Variants in CFAP20DC observed in about 807,000 individuals in gnomAD.
CFAP20DC encodes the protein CFAP20 domain containing, also known as protein CFAP20DC.
CFAP20DC carries 84 observed loss-of-function variants against 101.7 expected under a neutral mutation model. The ratio of observed to expected loss-of-function variants is 0.83; its 90% CI spans 0.69 to 0.99. CFAP20DC has a LOEUF of 0.99. Among genes scored for constraint, CFAP20DC ranks in the 50% least tolerant of loss-of-function variants. The pLI, the probability that CFAP20DC is intolerant of heterozygous loss-of-function variation, is 0.00. For synonymous variants in CFAP20DC, 359 were observed against 351.2 expected, an observed-to-expected ratio of 1.02 and a Z score of -0.25; for missense variants, 1,007 against 970.3, an observed-to-expected ratio of 1.04 and a Z score of -0.50.
At chr3:58,955,531 G>A (rs1233398890) in intron 4 of CFAP20DC, among the ~76,000 whole-genome samples, 2 of 152,098 alleles carry the variant, frequency 1.3e-5, no homozygotes, top group East Asian at 1.9e-4. Context: ...GCCCTAGCCA[G>A]AGGCAAATCA....
Position 59,049,639 on chromosome 3 carries a change from G to C in CFAP20DC, c.-8C>G. 6.5e-7 allele frequency: 1 copy of C among 1,536,094 alleles called. No homozygotes were observed. The highest frequency in any genetic ancestry group is 8.7e-7 in the Non-Finnish European group (1 of 1,146,882). On this transcript the variant is annotated 5_prime_UTR_variant, in exon 1 of 17. Transcript: ENST00000482387. ...GTACTCATTTTTGAACATTCCCGCA[G>C]GGGGCCCAGGGCTTGGGGGGCACAG...
intron 11 of CFAP20DC, among the ~76,000 whole-genome samples, chr3:58,865,370 TACATA>T (rs1559731097): frequency 6.6e-6 from 1 of 152,226 alleles, no homozygotes; most frequent in Non-Finnish European, 1.5e-5. Context: ...CGGCTACCAT[TACATA>T]ACATAACTTA....
intron 10 of CFAP20DC, among the ~76,000 whole-genome samples, chr3:58,867,541 T>G (rs901167038): frequency 1.3e-5 from 2 of 152,178 alleles, no homozygotes; most frequent in Non-Finnish European, 2.9e-5. Context: ...TGGGCCATTT[T>G]TTTCAAAAAC....
chr3:58,762,521 C>G (rs2069741675), intron 15 of CFAP20DC, among the ~76,000 whole-genome samples: 1 of 152,104 alleles, frequency 6.6e-6, no homozygotes, highest in Non-Finnish European at 1.5e-5. Flanking sequence ...TTAATTGGAG[C>G]ATTTAGCCCA....
chr3:58,809,975 C>T (rs2074467467), intron 14 of CFAP20DC, among the ~76,000 whole-genome samples: 1 of 152,124 alleles, frequency 6.6e-6, no homozygotes, highest in Non-Finnish European at 1.5e-5. Flanking sequence ...AATTCCTGGA[C>T]ACATACACCA....
intron 16 of CFAP20DC, among the ~76,000 whole-genome samples, chr3:58,747,722 A>G (rs151247177): frequency 4.3e-4 from 65 of 152,304 alleles, no homozygotes; most frequent in Non-Finnish European, 7.6e-4. Flanking sequence ...GACATTTTAG[A>G]TAAGTTTCTG....
intron 6 of CFAP20DC, among the ~76,000 whole-genome samples, chr3:58,885,229 T>C (rs2081527452): frequency 6.6e-6 from 1 of 152,134 alleles, no homozygotes; most frequent in Non-Finnish European, 1.5e-5. Context: ...TTACCCAGCT[T>C]CCTCTGTTAA....
Position 58,816,530 on chromosome 3 carries a change from G to A in CFAP20DC, c.2176-10074C>T, listed in dbSNP as rs993613246. 3.2e-4 allele frequency among the ~76,000 whole-genome samples: 48 copies of A among 152,272 alleles called. 1 individual carries two copies. Among genetic ancestry groups the A allele is most frequent in the Non-Finnish European group, 5.0e-4 (34 of 68,012 alleles). ...TTTCCGAGTCAAAGAAAGGGGTGAC[G>A]GACGCATCTGGAAAATCGGGTGACT... On this transcript the variant is annotated intron_variant, in intron 14 of 16. Transcript: ENST00000482387.
chr3:59,046,726 C>G (rs1699894505), intron 2 of CFAP20DC, among the ~76,000 whole-genome samples: 3 of 152,098 alleles, frequency 2.0e-5, no homozygotes, highest in African/African-American at 7.2e-5. Context: ...AGCAAGCGAC[C>G]TTAAGAATAA....
intron 16 of CFAP20DC, among the ~76,000 whole-genome samples, chr3:58,746,190 T>A (rs959058349): frequency 6.6e-6 from 1 of 152,154 alleles, no homozygotes; most frequent in African/African-American, 2.4e-5. Context: ...AAAAAACAGT[T>A]CTTATACCAA....
intron 14 of CFAP20DC, among the ~76,000 whole-genome samples, chr3:58,815,753 GA>G (rs1483309294): frequency 6.7e-6 from 1 of 150,038 alleles, no homozygotes; most frequent in East Asian, 1.9e-4. Flanking sequence ...AAAAACACAT[GA>G]AAAAATGCTC....
intron 13 of CFAP20DC, among the ~76,000 whole-genome samples, chr3:58,847,294 A>T (rs879271764): frequency 0.035 from 5,116 of 144,584 alleles, 82 homozygotes; most frequent in Non-Finnish European, 0.052. Flanking sequence ...TCCAGAATCT[A>T]CAATGAACTC....
intron 6 of CFAP20DC, chr3:58,887,249 G>A (rs2081722380): frequency 6.6e-6 from 1 of 152,166 alleles, no homozygotes; most frequent in East Asian, 1.9e-4. Context: ...CTGAGCAAAT[G>A]AACTCTCAAA....
At chr3:58,815,487 C>G (rs1312062709) in intron 14 of CFAP20DC, among the ~76,000 whole-genome samples, 1 of 149,814 alleles carries the variant, frequency 6.7e-6, no homozygotes, top group Non-Finnish European at 1.5e-5. Context: ...GCAATGGCAA[C>G]AAAAGCCAAA....
intron 14 of CFAP20DC, among the ~76,000 whole-genome samples, chr3:58,813,792 T>C (rs952145898): frequency 6.6e-6 from 1 of 151,938 alleles, no homozygotes; most frequent in Non-Finnish European, 1.5e-5. Flanking sequence ...TCAGATACTT[T>C]GGTAATTGAA....
At chr3:59,040,196 A>G (rs1474901064) in intron 3 of CFAP20DC, among the ~76,000 whole-genome samples, 1 of 152,082 alleles carries the variant, frequency 6.6e-6, no homozygotes, top group Non-Finnish European at 1.5e-5. Context: ...CCTTTTGTTA[A>G]TTAACATATA....
intron 13 of CFAP20DC, among the ~76,000 whole-genome samples, chr3:58,836,220 T>C (rs571712534): frequency 1.3e-5 from 2 of 152,274 alleles, no homozygotes; most frequent in East Asian, 1.9e-4. Context: ...TTGAGAGCTA[T>C]AAAGAAGGAA....
At chr3:59,048,857 G>A (rs1228327567) in intron 1 of CFAP20DC, among the ~76,000 whole-genome samples, 1 of 152,208 alleles carries the variant, frequency 6.6e-6, no homozygotes, top group Non-Finnish European at 1.5e-5. Flanking sequence ...AGGAGACCAG[G>A]AAGGGAGGTG....
At chr3:58,794,081 C>T (rs2073055360) in intron 15 of CFAP20DC, 1 of 215,450 alleles carries the variant, frequency 4.6e-6, no homozygotes, top group African/African-American at 2.3e-5. Context: ...CTACAAATCG[C>T]CATTTGGTCT....
Sources: gnomAD v4.1 joint callset for allele counts (sites outside exome capture counted in the v4.1 genomes callset) on GRCh38, gnomAD v4.1.1 for gene constraint, MANE v1.5 for transcripts, NCBI Gene and HGNC (gene_info 2026-07-23, HGNC 2026-07-21) for gene names.